PIK3CB: variants seen among roughly 807,000 people sequenced by gnomAD.
PIK3CB encodes the protein phosphatidylinositol-4,5-bisphosphate 3-kinase catalytic subunit beta.
Under a neutral mutation model 136.8 loss-of-function variants are expected in PIK3CB, and 39 were observed. That is an observed-to-expected ratio of 0.29 (90% confidence interval 0.22 to 0.37). The LOEUF (loss-of-function observed/expected upper bound fraction) is 0.37. Among genes scored for constraint, PIK3CB ranks in the 10% least tolerant of loss-of-function variants. The pLI is 1.00. For synonymous variants in PIK3CB, 428 were observed against 436.6 expected (o/e 0.98, Z 0.25); for missense variants, 868 against 1,275.4 (o/e 0.68, Z 4.87).
intron 1 of PIK3CB, among the ~76,000 whole-genome samples, chr3:138,823,288 C>G (rs534363504): frequency 6.6e-6 from 1 of 151,566 alleles, no homozygotes; most frequent in Non-Finnish European, 1.5e-5. Context: ...AAGGCCTATA[C>G]TAAATCAAGA....
At chr3:138,778,156 TTAAA>T (rs2045882097) in intron 2 of PIK3CB, 1 of 444,922 alleles carries the variant, frequency 2.2e-6, no homozygotes, top group African/African-American at 2.0e-5. Context: ...TGGGGCTCAT[TTAAA>T]AGGAGAAACC....
At chr3:138,733,500 C>CA in intron 7 of PIK3CB, 62 bp from the exon 8 acceptor site, 1 of 824,482 alleles carries the variant, frequency 1.2e-6, no homozygotes, top group Non-Finnish European at 2.0e-6. Flanking sequence ...TCTATGCTAG[C>CA]AATGCAATTG....
At chr3:138,705,167 A>C (rs73864485) in intron 11 of PIK3CB, among the ~76,000 whole-genome samples, 23,333 of 96,476 alleles carry the variant, frequency 0.24, 3,495 homozygotes, top group Non-Finnish European at 0.3. Flanking sequence ...AAAAAAAAAA[A>C]AAAAAACAAA....
intron 5 of PIK3CB, among the ~76,000 whole-genome samples, chr3:138,740,033 G>T (rs748421730): frequency 6.6e-6 from 1 of 151,776 alleles, no homozygotes; most frequent in Non-Finnish European, 1.5e-5. Context: ...ATGAACTGGT[G>T]CCTTGATCTT....
At chr3:138,828,184 C>CTTTT (rs1176715980) in intron 1 of PIK3CB, among the ~76,000 whole-genome samples, 3 of 131,088 alleles carry the variant, frequency 2.3e-5, no homozygotes, top group East Asian at 2.1e-4. Flanking sequence ...ATTAAATTTC[C>CTTTT]TTTTTTTTTT....
At chr3:138,684,862 G>A (rs996054437) in intron 16 of PIK3CB, 59 bp from the exon 17 acceptor site, 19 of 1,243,000 alleles carry the variant, frequency 1.5e-5, no homozygotes, top group Non-Finnish European at 1.7e-5. Context: ...ATAATATCAT[G>A]TGATCATATC....
intron 1 of PIK3CB, among the ~76,000 whole-genome samples, chr3:138,808,769 C>G: frequency 6.6e-6 from 1 of 151,262 alleles, no homozygotes; most frequent in Non-Finnish European, 1.5e-5. Flanking sequence ...TATACACACA[C>G]ACTATACATA....
chr3:138,756,046 T>G (rs182553071), intron 3 of PIK3CB, 67 bp from the exon 4 acceptor site: 10 of 811,894 alleles, frequency 1.2e-5, no homozygotes, highest in East Asian at 7.4e-5. Flanking sequence ...GATATAAGGA[T>G]GCTCACTGCA....
At chr3:138,720,082 G>C (rs1363879957) in intron 8 of PIK3CB, among the ~76,000 whole-genome samples, 14 of 152,176 alleles carry the variant, frequency 9.2e-5, no homozygotes, top group Admixed American at 9.2e-4. Flanking sequence ...AGACGACTAA[G>C]TGAGAAGAAA....
intron 8 of PIK3CB, 113 bp downstream of exon 8, chr3:138,733,248 G>A: frequency 2.0e-6 from 1 of 489,990 alleles, no homozygotes; most frequent in East Asian, 3.3e-5. Flanking sequence ...TCTATATCAT[G>A]TAATTGATCA....
chr3:138,729,200 G>C (rs2044912971), intron 8 of PIK3CB, among the ~76,000 whole-genome samples: 1 of 151,582 alleles, frequency 6.6e-6, no homozygotes, highest in Non-Finnish European at 1.5e-5. Flanking sequence ...AGAATCACTT[G>C]AACCCGGGAG....
chr3:138,727,112 T>C (rs187192357), intron 8 of PIK3CB, among the ~76,000 whole-genome samples: 1 of 152,196 alleles, frequency 6.6e-6, no homozygotes, highest in African/African-American at 2.4e-5. Flanking sequence ...GGAAGCTATA[T>C]GCTACAGAAT....
intron 4 of PIK3CB, among the ~76,000 whole-genome samples, chr3:138,744,567 G>A (rs2045315647): frequency 6.6e-6 from 1 of 151,912 alleles, no homozygotes; most frequent in Admixed American, 6.6e-5. Flanking sequence ...AGCAGACGCA[G>A]GCATACTGTA....
intron 8 of PIK3CB, among the ~76,000 whole-genome samples, chr3:138,722,870 A>C (rs189737616): frequency 4.8e-4 from 73 of 152,258 alleles, no homozygotes; most frequent in African/African-American, 1.5e-3. Context: ...TTCTGAAAAA[A>C]TTTGTTGAAA....
chr3:138,757,438 A>C (rs939567959), intron 3 of PIK3CB, among the ~76,000 whole-genome samples: 2 of 147,968 alleles, frequency 1.4e-5, no homozygotes, highest in Admixed American at 6.8e-5. Flanking sequence ...AAAACCCACA[A>C]TGAGATACCA....
chr3:138,755,204 T>C lies in PIK3CB; in HGVS notation c.397+550A>G, dbSNP rs1379375382. On this transcript the variant is annotated intron_variant, in intron 4 of 23. Coordinates refer to ENST00000674063, the MANE Select transcript of PIK3CB (RefSeq NM_006219.3). ...AAGTCTTGGTTGGCATAGAGAGTTG[T>C]GTATAAAATATGTTCATTCTATAGG... 2.0e-5 allele frequency among the ~76,000 whole-genome samples: 3 copies of C among 152,238 alleles called. No homozygotes were observed. In the South Asian group the frequency reaches 6.2e-4, roughly 31 times the overall value.
rs11328258 is a variant in PIK3CB, at chr3:138,751,971, T to TAA, written c.397+3781_397+3782dup. Among the ~76,000 whole-genome samples, 88 of 114,576 alleles carry TAA rather than the reference T, an allele frequency of 7.7e-4. 1 individual carries two copies. The highest frequency in any genetic ancestry group is 2.6e-3 in the African/African-American group (74 of 28,940). 75.2% of individuals were successfully genotyped at this position (114,576 alleles called of 152,430 possible). ...GGGCAACAAAGTGAGACTCTGTATA[T>TAA]AAAAAAAAAAAAAAAAAAAAATCCT... On this transcript the variant is annotated intron_variant, in intron 4 of 23. Transcript: ENST00000674063.
At chr3:138,834,027 C>T (rs1934160774) in intron 1 of PIK3CB, among the ~76,000 whole-genome samples, 3 of 152,126 alleles carry the variant, frequency 2.0e-5, no homozygotes, top group Admixed American at 2.0e-4. Context: ...CAGAGCAGAT[C>T]GGAAATAAAT....
At chr3:138,671,857 A>C (rs920774894) in intron 19 of PIK3CB, among the ~76,000 whole-genome samples, 2 of 152,234 alleles carry the variant, frequency 1.3e-5, no homozygotes, top group Non-Finnish European at 2.9e-5. Context: ...TGGGTTGTAC[A>C]ATCTAAACTA....
Sources: allele counts gnomAD v4.1 joint callset (sites outside exome capture counted in the v4.1 genomes callset), GRCh38; gene constraint gnomAD v4.1.1; transcripts MANE v1.5; gene names NCBI Gene and HGNC (gene_info 2026-07-23, HGNC 2026-07-21).